Variants in ERCC4 observed in about 807,000 individuals in gnomAD.
The protein encoded by ERCC4 is ERCC excision repair 4, endonuclease catalytic subunit, also known as DNA repair endonuclease XPF.
In ERCC4, 65 loss-of-function variants were observed where a neutral mutation model predicts 76.9. The ratio of observed to expected loss-of-function variants is 0.84; its 90% confidence interval spans 0.69 to 1.04. The LOEUF (loss-of-function observed/expected upper bound fraction) is 1.04, where lower values mean the gene tolerates loss of function less well. Among genes scored for constraint, ERCC4 ranks in the 50% least tolerant of loss-of-function variants. The pLI, the probability that ERCC4 is intolerant of heterozygous loss-of-function variation, is 0.00. For missense variants in ERCC4, 1,214 were observed against 1,128.2 expected, an observed-to-expected ratio of 1.08 and a Z score of -1.09; for synonymous variants, 463 against 410.1, an observed-to-expected ratio of 1.13 and a Z score of -1.56.
In ERCC4 at chr16:13,922,193, C is replaced by T; in HGVS notation, c.370C>T (p.Pro124Ser). 6.2e-7 allele frequency: 1 copy of T among 1,607,784 alleles called. No individual in the cohort carries two copies. Among genetic ancestry groups the T allele is most frequent in the East Asian group, 2.2e-5 (1 of 44,850 alleles). ...LVVDFLTDRI[P>S]SDLITGILVY... ...GGTTGACTTCTTGACTGATAGAATACCTTCAGATTTAATTACTGGTAAGAA... is the reference window on the plus strand; with the variant it reads ...GGTTGACTTCTTGACTGATAGAATATCTTCAGATTTAATTACTGGTAAGAA... Residue 124 changes from proline to serine, a missense_variant, in exon 2 of 11, where the codon CCT (proline) becomes TCT (serine). By Grantham distance (74) the Pro-to-Ser change is moderately conservative. Transcript: ENST00000311895.
chr16:13,933,806 CT>C (rs1317522686), intron 6 of ERCC4: 1 of 164,278 alleles, frequency 6.1e-6, no homozygotes, highest in Admixed American at 6.1e-5. Flanking sequence ...TTGTTGTCTA[CT>C]TTTATCCATG....
At chr16:13,926,913 C>A in intron 3 of ERCC4, 157 bp downstream of exon 3, 1 of 645,714 alleles carries the variant, frequency 1.5e-6, no homozygotes, top group South Asian at 1.8e-5. Context: ...ACACATCCAG[C>A]TATAAATATG....
In ERCC4 at chr16:13,948,242, C is replaced by G. The variant is rs538267970; in HGVS notation, c.2646C>G (p.Asp882Glu). 4.3e-6 allele frequency: 7 copies of G among 1,614,120 alleles called. No homozygotes were observed. Among genetic ancestry groups the G allele is most frequent in the Non-Finnish European group, 5.9e-6 (7 of 1,180,024 alleles). Residue 882 changes from aspartate to glutamate, a missense_variant, in exon 11 of 11, where the codon GAC (aspartate) becomes GAG (glutamate). Transcript: ENST00000311895. ...NIAELAALSQ[D>E]ELTSILGNAA... ...CAGAATTAGCAGCCCTGTCACAAGA[C>G]GAGCTCACGAGTATTCTGGGGAATG...
At chr16:13,944,608 T>G (rs2032479961) in intron 9 of ERCC4, 115 bp from the exon 10 acceptor site, 1 of 739,964 alleles carries the variant, frequency 1.4e-6, no homozygotes, top group African/African-American at 1.7e-5. Context: ...TTTGTTTTTG[T>G]TTTTCTCTTA....
At chr16:13,936,378 T>C (rs2141608853) in intron 8 of ERCC4, among the ~76,000 whole-genome samples, 1 of 152,344 alleles carries the variant, frequency 6.6e-6, no homozygotes, top group Non-Finnish European at 1.5e-5. Context: ...AACCTTCCCC[T>C]AGCATTTTAA....
intron 10 of ERCC4, among the ~76,000 whole-genome samples, chr16:13,947,093 C>T (rs532110336): frequency 3.3e-5 from 5 of 152,276 alleles, no homozygotes; most frequent in Admixed American, 1.3e-4. Flanking sequence ...CCCCAGGTGG[C>T]TCATGTGCAT....
At chr16:13,939,076 T>A (rs1177032358) in intron 9 of ERCC4, among the ~76,000 whole-genome samples, 1 of 152,214 alleles carries the variant, frequency 6.6e-6, no homozygotes. Context: ...CTCTATGGGA[T>A]TGTTTATGTC....
intron 4 of ERCC4, 33 bp from the exon 5 acceptor site, chr16:13,930,677 T>G: frequency 6.6e-7 from 1 of 1,503,854 alleles, no homozygotes; most frequent in Non-Finnish European, 9.3e-7. Context: ...ACTTAACATA[T>G]TTTAGCAATA....
At position 13,930,765 on chromosome 16, in the gene ERCC4, C is replaced by CCTTA. The variant is rs2032156778; in HGVS notation, c.849_852dup (p.Val285LeufsTer19). The CCTTA allele has an allele frequency of 6.2e-7, 1 of 1,613,194 alleles. No individual in the cohort carries two copies. The highest frequency in any genetic ancestry group is 8.5e-7 in the Non-Finnish European group (1 of 1,179,334). On this transcript the variant is annotated frameshift_variant, in exon 5 of 11. Coordinates refer to ENST00000311895, the MANE Select transcript of ERCC4 (RefSeq NM_005236.3). LOFTEE classifies it high-confidence loss of function. ...CACCAGCTTGGAGCCAAGACTAAAT[C>CCTTA]CTTAGTTCAGGATTTGAAGATATTA...
intron 4 of ERCC4, among the ~76,000 whole-genome samples, chr16:13,928,911 C>G (rs891595061): frequency 2.0e-5 from 3 of 152,104 alleles, no homozygotes; most frequent in Non-Finnish European, 2.9e-5. Context: ...CTTTTAAACT[C>G]TGAGTCAATC....
intron 2 of ERCC4, among the ~76,000 whole-genome samples, chr16:13,924,776 A>G (rs1015996868): frequency 8.5e-5 from 13 of 152,226 alleles, no homozygotes; most frequent in Non-Finnish European, 1.6e-4. Flanking sequence ...CATAGTCAGC[A>G]TTCTATGATC....
In ERCC4 at chr16:13,937,792, C is replaced by G; in HGVS notation, c.1838C>G (p.Ser613Ter). 12 of 1,613,236 alleles carry G rather than the reference C, an allele frequency of 7.4e-6. No individual in the cohort carries two copies. Among genetic ancestry groups the G allele is most frequent in the Non-Finnish European group, 7.6e-6 (9 of 1,179,226 alleles). The part of the protein sequence containing the change: ...LRVYFLIYGG[S>*]TEEQRYLTAL... ...GTTTACTTTCTTATATACGGAGGTT[C>G]AACTGAGGAACAACGCTATCTCACT... The change falls in exon 9 of 11, where the codon TCA (serine) becomes TGA (stop). Residue 613 changes from serine (S) to a stop codon, truncating the protein, a stop_gained. Transcript: ENST00000311895. LOFTEE classifies it high-confidence loss of function.
Position 13,949,101 on chromosome 16 carries a change from A to G in ERCC4, c.*754A>G, listed in dbSNP as rs2032581265. The G allele has an allele frequency of 4.3e-6, 1 of 232,994 alleles. No individual in the cohort carries two copies. The highest frequency in any genetic ancestry group is 2.2e-5 in the African/African-American group (1 of 45,346). 14.4% of individuals were successfully genotyped at this position (232,994 alleles called of 1,614,324 possible). On this transcript the variant is annotated 3_prime_UTR_variant, in exon 11 of 11. Transcript: ENST00000311895. ...TTCTAATGACCCTAACATATGTAGC[A>G]TATACTATAATTTCATTGTTCCAAA...
At chr16:13,921,699 G>A (rs960279740) in intron 1 of ERCC4, among the ~76,000 whole-genome samples, 12 of 152,144 alleles carry the variant, frequency 7.9e-5, no homozygotes, top group Non-Finnish European at 1.5e-5. Context: ...CTACAAACCT[G>A]GCTTTGGTGG....
Position 13,926,757 on chromosome 16 carries a change from G to A in ERCC4, c.584+1G>A, listed in dbSNP as rs2032080620. 3.1e-6 allele frequency: 5 copies of A among 1,607,642 alleles called. No individual in the cohort carries two copies. The highest frequency in any genetic ancestry group is 2.6e-6 in the Non-Finnish European group (3 of 1,174,258). The stretch of plus-strand genomic sequence containing the variant: ...TGAGGAAACTGTATCTGTGGCCAAG[G>A]TAAAGAACATTATGTGACAAATAAT... On this transcript the variant is annotated splice_donor_variant, in intron 3 of 10. Coordinates refer to ENST00000311895, the MANE Select transcript of ERCC4 (RefSeq NM_005236.3). LOFTEE classifies it high-confidence loss of function.
intron 10 of ERCC4, among the ~76,000 whole-genome samples, chr16:13,946,205 A>C (rs1262056163): frequency 1.3e-5 from 2 of 152,358 alleles, no homozygotes; most frequent in East Asian, 3.9e-4. Flanking sequence ...TAGATAAGCC[A>C]GATAATCTCC....
intron 9 of ERCC4, among the ~76,000 whole-genome samples, chr16:13,940,167 A>C (rs891465626): frequency 6.6e-6 from 1 of 152,156 alleles, no homozygotes; most frequent in African/African-American, 2.4e-5. Flanking sequence ...CGGGCAGATC[A>C]CTTGAAGTCA....
At chr16:13,926,891 G>A in intron 3 of ERCC4, 135 bp downstream of exon 3, 6 of 723,736 alleles carry the variant, frequency 8.3e-6, no homozygotes, top group Non-Finnish European at 1.4e-5. Flanking sequence ...AACCTAGTCA[G>A]TTTTATAACA....
At chr16:13,922,494 A>G (rs985715052) in intron 2 of ERCC4, 2 of 750,508 alleles carry the variant, frequency 2.7e-6, no homozygotes, top group Non-Finnish European at 4.9e-6. Flanking sequence ...TGGGAAGCAC[A>G]TAGGCGTCGA....
Sources: allele counts gnomAD v4.1 joint callset (sites outside exome capture counted in the v4.1 genomes callset), GRCh38; gene constraint gnomAD v4.1.1; transcripts MANE v1.5; gene names NCBI Gene and HGNC (gene_info 2026-07-23, HGNC 2026-07-21).